The following CDH13 variants were observed in gnomAD, a reference collection of about 807,000 sequenced individuals.
CDH13 encodes cadherin 13.
A neutral mutation model predicts 63.8 loss-of-function variants in CDH13; 24 were observed. The ratio of observed to expected loss-of-function variants is 0.38; its 90% CI spans 0.27 to 0.53. CDH13 has a LOEUF of 0.53. Ranked by LOEUF, CDH13 falls within the 20% of genes least tolerant of loss-of-function variation. The probability of loss-of-function intolerance (pLI) is 0.85; values close to 1 mark genes in which losing one functional copy is unlikely to be tolerated. For synonymous variants in CDH13, 503 were observed against 355.3 expected (o/e 1.42, Z -4.67); for missense variants, 1,049 against 903.1 (o/e 1.16, Z -2.07).
chr16:83,456,448 G>A (rs890258679), intron 6 of CDH13, among the ~76,000 whole-genome samples: 9 of 152,172 alleles, frequency 5.9e-5, no homozygotes, highest in East Asian at 1.9e-4. Context: ...GCAGTACAAC[G>A]TGAAAGACGT....
rs903586920 is a variant in CDH13 at position 83,047,419 on chromosome 16, G to A, written c.366+15201G>A. 2.0e-5 allele frequency among the ~76,000 whole-genome samples: 3 copies of A among 152,106 alleles called. No homozygotes were observed. The highest frequency in any genetic ancestry group is 2.4e-5 in the African/African-American group (1 of 41,402). ...ATTCGATTTGGCCCTTGTTAACAAA[G>A]CCTAGTCTGTAAGAGCGTGACCACC... On this transcript the variant is annotated intron_variant, in intron 3 of 13. Transcript: ENST00000567109. The surrounding 1 kb of genome is among the most constrained non-coding windows in gnomAD (Gnocchi z 4.9).
At chr16:83,427,626 G>C (rs1167098502) in intron 6 of CDH13, among the ~76,000 whole-genome samples, 1 of 152,120 alleles carries the variant, frequency 6.6e-6, no homozygotes, top group Non-Finnish European at 1.5e-5. Flanking sequence ...TAAAATACCA[G>C]CACCACTAGA....
At chr16:82,645,572 G>A (rs1909994444) in intron 1 of CDH13, among the ~76,000 whole-genome samples, 1 of 152,064 alleles carries the variant, frequency 6.6e-6, no homozygotes, top group Non-Finnish European at 1.5e-5. Flanking sequence ...ACCACAAAAG[G>A]TTATCCTGAC....
At chr16:82,767,769 A>G (rs1210691107) in intron 1 of CDH13, among the ~76,000 whole-genome samples, 1 of 152,184 alleles carries the variant, frequency 6.6e-6, no homozygotes, top group African/African-American at 2.4e-5. Flanking sequence ...CTGGACTGCC[A>G]TCCCATTAAC....
chr16:83,028,387 G>A (rs1381225980), intron 2 of CDH13, among the ~76,000 whole-genome samples: 2 of 152,168 alleles, frequency 1.3e-5, no homozygotes, highest in African/African-American at 4.8e-5. Context: ...TGCAAAGATG[G>A]CTCTAAAGCT....
chr16:83,675,690 G>C (rs8058107), intron 9 of CDH13, among the ~76,000 whole-genome samples: 11,427 of 152,216 alleles, frequency 0.075, 697 homozygotes, highest in African/African-American at 0.17. Flanking sequence ...TGAGACTTCA[G>C]GGGAGGCAGT....
At chr16:83,484,102 A>T (rs773070144) in intron 6 of CDH13, among the ~76,000 whole-genome samples, 1 of 152,196 alleles carries the variant, frequency 6.6e-6, no homozygotes, top group Non-Finnish European at 1.5e-5. Context: ...TAACAAATCA[A>T]TCCAACCTTG....
chr16:83,055,589 T>C (rs545482024), intron 3 of CDH13, among the ~76,000 whole-genome samples: 57 of 152,096 alleles, frequency 3.7e-4, no homozygotes, highest in South Asian at 1.2e-3. Context: ...TCTGGTAAGT[T>C]CTACATTTAT....
At chr16:83,466,974 G>C (rs1433545601) in intron 6 of CDH13, among the ~76,000 whole-genome samples, 2 of 152,038 alleles carry the variant, frequency 1.3e-5, no homozygotes, top group African/African-American at 4.8e-5. Flanking sequence ...CTCTCCTCCT[G>C]ATAGTCTCTG....
intron 1 of CDH13, among the ~76,000 whole-genome samples, chr16:82,760,822 G>A (rs186628576): frequency 2.0e-5 from 3 of 152,030 alleles, no homozygotes; most frequent in Admixed American, 6.5e-5. Context: ...ATGTCACATG[G>A]TGAGAGAGAG....
chr16:83,175,335 T>C lies in CDH13; in HGVS notation c.484-42010T>C, dbSNP rs185247928. Among the ~76,000 whole-genome samples the C allele has an allele frequency of 9.4e-4, 143 of 152,270 alleles. 1 individual carries two copies. Among genetic ancestry groups the C allele is most frequent in the Non-Finnish European group, 1.8e-3 (120 of 68,016 alleles). ...AAGTTATCAATAGTTTATTAATATA[T>C]TGATTAAAAGATGACAAGTTCTCAA... On this transcript the variant is annotated intron_variant, in intron 4 of 13. Transcript: ENST00000567109.
chr16:82,732,914 G>T (rs1288355764), intron 1 of CDH13, among the ~76,000 whole-genome samples: 1 of 152,142 alleles, frequency 6.6e-6, no homozygotes, highest in Non-Finnish European at 1.5e-5. Flanking sequence ...ATTCCTATCT[G>T]GAATTTAAAT....
At chr16:83,758,659 A>C (rs1202615305) in intron 11 of CDH13, among the ~76,000 whole-genome samples, 1 of 152,254 alleles carries the variant, frequency 6.6e-6, no homozygotes, top group Non-Finnish European at 1.5e-5. Flanking sequence ...ATTTTCAGAG[A>C]ATCTATTACT....
intron 6 of CDH13, among the ~76,000 whole-genome samples, chr16:83,435,705 T>C (rs535159434): frequency 4.1e-4 from 63 of 152,226 alleles, no homozygotes; most frequent in Non-Finnish European, 7.9e-4. Flanking sequence ...TCAGCTCAGC[T>C]GTCTCTTCCT....
At chr16:83,216,802 G>C (rs1035380761) in intron 4 of CDH13, among the ~76,000 whole-genome samples, 1 of 150,554 alleles carries the variant, frequency 6.6e-6, no homozygotes, top group Non-Finnish European at 1.5e-5. Flanking sequence ...AAATAGATGT[G>C]TGTATGTGTA....
chr16:83,738,558 A>C (rs1239263591), intron 10 of CDH13, among the ~76,000 whole-genome samples: 2 of 152,192 alleles, frequency 1.3e-5, no homozygotes, highest in Non-Finnish European at 2.9e-5. Flanking sequence ...CTACAAGAGC[A>C]TGTTTTCTTG....
At chr16:82,990,256 G>A (rs1911494176) in intron 2 of CDH13, 1 of 152,074 alleles carries the variant, frequency 6.6e-6, no homozygotes, top group Admixed American at 6.6e-5. Flanking sequence ...GAAAAGCAAG[G>A]ATCCTAGAAA....
chr16:83,002,562 A>G (rs1913050885), intron 2 of CDH13, among the ~76,000 whole-genome samples: 1 of 152,234 alleles, frequency 6.6e-6, no homozygotes, highest in Non-Finnish European at 1.5e-5. Context: ...AATCCCTGCC[A>G]TTGTGATGTG....
chr16:82,786,091 G>A (rs908162639), intron 1 of CDH13, among the ~76,000 whole-genome samples: 1 of 152,194 alleles, frequency 6.6e-6, no homozygotes, highest in African/African-American at 2.4e-5. Flanking sequence ...AATGAGTTAG[G>A]GTGAGCAAGT....
Sources: gnomAD v4.1 joint callset for allele counts (sites outside exome capture counted in the v4.1 genomes callset) on GRCh38, gnomAD v4.1.1 for gene constraint, Gnocchi (gnomAD v3.1) non-coding constraint, MANE v1.5 for transcripts, NCBI Gene and HGNC (gene_info 2026-07-23, HGNC 2026-07-21) for gene names.